PLEKHA7: variants seen among roughly 807,000 people sequenced by gnomAD.
PLEKHA7 encodes the protein pleckstrin homology domain-containing family A member 7.
A neutral mutation model predicts 170.0 loss-of-function variants in PLEKHA7; 104 were observed. That is an observed-to-expected ratio of 0.61 (90% CI 0.52 to 0.72). The LOEUF (loss-of-function observed/expected upper bound fraction) is 0.72. Among genes scored for constraint, PLEKHA7 ranks in the 30% least tolerant of loss-of-function variants. The pLI, the probability that PLEKHA7 is intolerant of heterozygous loss-of-function variation, is 0.00. For synonymous variants in PLEKHA7, 648 were observed against 660.8 expected (o/e 0.98, Z 0.30); for missense variants, 1,615 against 1,671.7 (o/e 0.97, Z 0.59).
intron 8 of PLEKHA7, among the ~76,000 whole-genome samples, chr11:16,849,288 T>TTA (rs953012222): frequency 5.1e-4 from 77 of 152,062 alleles, no homozygotes; most frequent in Non-Finnish European, 1.1e-3. Flanking sequence ...AAGATAAAAA[T>TTA]TATATATATA....
intron 9 of PLEKHA7, among the ~76,000 whole-genome samples, chr11:16,830,930 T>C (rs1225186395): frequency 1.3e-5 from 2 of 152,234 alleles, no homozygotes; most frequent in East Asian, 1.9e-4. Context: ...ACTATGTATG[T>C]ACATGAGTAT....
At chr11:16,973,912 T>C (rs1862882829) in intron 3 of PLEKHA7, among the ~76,000 whole-genome samples, 2 of 152,200 alleles carry the variant, frequency 1.3e-5, no homozygotes, top group Non-Finnish European at 2.9e-5. Flanking sequence ...TGGACAGTCT[T>C]GGACACCCCC....
At chr11:16,913,051 G>A (rs1858364912) in intron 3 of PLEKHA7, among the ~76,000 whole-genome samples, 2 of 152,172 alleles carry the variant, frequency 1.3e-5, no homozygotes, top group Non-Finnish European at 2.9e-5. Flanking sequence ...CTGGTAGAGG[G>A]CACAGCTGCT....
chr11:16,908,556 C>T (rs1188539909), intron 3 of PLEKHA7, among the ~76,000 whole-genome samples: 4 of 151,118 alleles, frequency 2.6e-5, no homozygotes, highest in South Asian at 2.1e-4. Context: ...AGTGCAGTGG[C>T]GCAAACTCGG....
At chr11:16,783,973 T>C (rs1433695518) in intron 24 of PLEKHA7, 140 bp from the exon 25 acceptor site, 9 of 961,706 alleles carry the variant, frequency 9.4e-6, no homozygotes, top group Admixed American at 4.2e-5. Context: ...GATCACAAAA[T>C]TAGTCAGTTG....
intron 3 of PLEKHA7, among the ~76,000 whole-genome samples, chr11:17,001,201 C>A (rs1864642595): frequency 1.3e-5 from 2 of 152,306 alleles, no homozygotes; most frequent in African/African-American, 4.8e-5. Flanking sequence ...TTGGACTGGG[C>A]ACTGCTGGAG....
chr11:16,993,182 A>C (rs1478589214), intron 3 of PLEKHA7, among the ~76,000 whole-genome samples: 1 of 152,212 alleles, frequency 6.6e-6, no homozygotes. Flanking sequence ...TCAGCCATAG[A>C]AATCAGTTCC....
intron 3 of PLEKHA7, among the ~76,000 whole-genome samples, chr11:17,010,559 T>C (rs1366460427): frequency 3.3e-5 from 5 of 152,122 alleles, no homozygotes; most frequent in Non-Finnish European, 7.3e-5. Flanking sequence ...TGAGCTATGA[T>C]TGCACCACTG....
intron 3 of PLEKHA7, among the ~76,000 whole-genome samples, chr11:16,982,207 G>A (rs1863472052): frequency 6.6e-6 from 1 of 152,236 alleles, no homozygotes; most frequent in Non-Finnish European, 1.5e-5. Flanking sequence ...GCCCTGGAAG[G>A]GCCCCAAGCC....
intron 3 of PLEKHA7, among the ~76,000 whole-genome samples, chr11:17,002,989 C>CTTTTTTTTTTTTT (rs568718448): frequency 8.8e-6 from 1 of 113,018 alleles, no homozygotes; most frequent in Non-Finnish European, 1.8e-5. Flanking sequence ...ATAGTTGTGC[C>CTTTTTTTTTTTTT]TTTTTTTTTT....
intron 3 of PLEKHA7, among the ~76,000 whole-genome samples, chr11:16,985,056 G>A (rs143283196): frequency 1.3e-5 from 2 of 152,270 alleles, no homozygotes; most frequent in African/African-American, 4.8e-5. Context: ...AGTGTCTTGG[G>A]TGCCAGCGGG....
intron 9 of PLEKHA7, among the ~76,000 whole-genome samples, chr11:16,828,911 GA>G (rs1335019059): frequency 6.6e-6 from 1 of 152,174 alleles, no homozygotes; most frequent in East Asian, 1.9e-4. Flanking sequence ...AGCAGATGGA[GA>G]AACATAGAAT....
At chr11:16,913,319 CCCA>C (rs1473271600) in intron 3 of PLEKHA7, among the ~76,000 whole-genome samples, 1 of 152,164 alleles carries the variant, frequency 6.6e-6, no homozygotes, top group African/African-American at 2.4e-5. Flanking sequence ...GCTAATTGCC[CCCA>C]CAAGTTCTGC....
chr11:16,816,039 C>T, intron 12 of PLEKHA7, 139 bp downstream of exon 12: 1 of 711,674 alleles, frequency 1.4e-6, no homozygotes, highest in Non-Finnish European at 2.4e-6. Context: ...GCAAGTCATT[C>T]AACTTCTCTG....
rs939618856 is a variant in PLEKHA7 at position 16,791,882 on chromosome 11, T to A, written c.2746-683A>T. 1.4e-4 allele frequency among the ~76,000 whole-genome samples: 21 copies of A among 152,240 alleles called. No individual in the cohort carries two copies. The highest frequency in any genetic ancestry group is 5.1e-4 in the African/African-American group (21 of 41,466). ...TGTCCACAGTGTTCTGTGAGGGCTG[T>A]GGTTCCTCTACATATCAACAGACCG... On this transcript the variant is annotated intron_variant, in intron 19 of 26. Transcript: ENST00000531066. This position sits in a 1 kb window ranked among gnomAD's most constrained non-coding sequence, Gnocchi z 4.5.
At chr11:16,852,674 T>C (rs12279155) in intron 6 of PLEKHA7, among the ~76,000 whole-genome samples, 67 of 152,370 alleles carry the variant, frequency 4.4e-4, no homozygotes, top group African/African-American at 1.5e-3. Flanking sequence ...TGTTTGTTTC[T>C]TATTTAGGTG....
chr11:16,982,049 G>A (rs555173179), intron 3 of PLEKHA7, among the ~76,000 whole-genome samples: 12 of 152,180 alleles, frequency 7.9e-5, no homozygotes, highest in Admixed American at 1.3e-4. Flanking sequence ...TATGCCAGCA[G>A]CGTGAGGCAG....
chr11:16,831,742 C>T (rs1848823291), intron 9 of PLEKHA7, among the ~76,000 whole-genome samples: 1 of 152,176 alleles, frequency 6.6e-6, no homozygotes, highest in African/African-American at 2.4e-5. Flanking sequence ...TTTCAAGTTC[C>T]TCATCTATAA....
chr11:16,922,960 G>A (rs377010650), intron 3 of PLEKHA7, among the ~76,000 whole-genome samples: 87 of 152,240 alleles, frequency 5.7e-4, no homozygotes, highest in African/African-American at 1.9e-3. Context: ...AAGACACATG[G>A]GGAATTTCCA....
Sources: gnomAD v4.1 joint callset for allele counts (sites outside exome capture counted in the v4.1 genomes callset) on GRCh38, gnomAD v4.1.1 for gene constraint, Gnocchi (gnomAD v3.1) non-coding constraint, MANE v1.5 for transcripts, NCBI Gene and HGNC (gene_info 2026-07-23, HGNC 2026-07-21) for gene names.